TMEM163: variants seen among roughly 807,000 people sequenced by gnomAD.
TMEM163 encodes transmembrane protein 163.
TMEM163 carries 17 observed loss-of-function variants against 29.3 expected under a neutral mutation model. That is an observed-to-expected ratio of 0.58 (90% CI 0.40 to 0.87). TMEM163 has a LOEUF of 0.87. TMEM163 is among the 40% of genes least tolerant of loss of function. TMEM163 has a pLI of 0.00. For missense variants in TMEM163, 303 were observed against 381.5 expected (o/e 0.79, Z 1.71); for synonymous variants, 157 against 160.6 (o/e 0.98, Z 0.17).
intron 2 of TMEM163, among the ~76,000 whole-genome samples, chr2:134,606,849 C>G (rs1223932674): frequency 6.6e-6 from 1 of 152,146 alleles, no homozygotes; most frequent in African/African-American, 2.4e-5. Context: ...TTTCGTTTGG[C>G]GAAAAGCAGT....
In TMEM163 at chr2:134,501,418, GCCATCCATC is replaced by G. The variant is rs1346653873; in HGVS notation, c.555+1474_555+1482del. Among the ~76,000 whole-genome samples, 4 of 152,222 alleles carry G rather than the reference GCCATCCATC, an allele frequency of 2.6e-5. No homozygotes were observed. In the East Asian group the frequency reaches 5.8e-4, roughly 22 times the overall value. On this transcript the variant is annotated intron_variant, in intron 5 of 7. Coordinates refer to ENST00000281924, the MANE Select transcript of TMEM163 (RefSeq NM_030923.5). Reference sequence around the variant, plus strand: ...AGCCATTACAAGGGCCGTGAGCACAGCCATCCATCCCCTATCACATGAGCCCTGCTGGAA... The same window carrying G: ...AGCCATTACAAGGGCCGTGAGCACAGCCCTATCACATGAGCCCTGCTGGAA...
At chr2:134,552,381 T>C (rs575324293) in intron 2 of TMEM163, among the ~76,000 whole-genome samples, 44 of 152,290 alleles carry the variant, frequency 2.9e-4, no homozygotes, top group African/African-American at 1.0e-3. Context: ...TCTGATACTT[T>C]GAGAATTTAG....
intron 4 of TMEM163, among the ~76,000 whole-genome samples, chr2:134,535,543 T>G (rs1013054268): frequency 2.2e-4 from 33 of 152,080 alleles, no homozygotes; most frequent in Admixed American, 2.2e-3. Flanking sequence ...GAGTAGCAAA[T>G]GGGAATTACT....
chr2:134,606,899 C>T (rs944927347), intron 2 of TMEM163, among the ~76,000 whole-genome samples: 1 of 152,118 alleles, frequency 6.6e-6, no homozygotes, highest in African/African-American at 2.4e-5. Context: ...TCGGGTGTGG[C>T]GCAGCAATGA....
chr2:134,689,122 T>C (rs1284401769), intron 2 of TMEM163, among the ~76,000 whole-genome samples: 1 of 150,816 alleles, frequency 6.6e-6, no homozygotes, highest in Admixed American at 6.6e-5. Flanking sequence ...TTTTTTTTTT[T>C]TTTTGAGATG....
intron 4 of TMEM163, among the ~76,000 whole-genome samples, chr2:134,522,926 G>A (rs1680218318): frequency 1.3e-5 from 2 of 152,334 alleles, no homozygotes; most frequent in South Asian, 4.1e-4. Context: ...AGCAGACGTT[G>A]TGATGCCTAT....
chr2:134,703,816 C>T (rs1448478189), intron 2 of TMEM163, among the ~76,000 whole-genome samples: 2 of 145,666 alleles, frequency 1.4e-5, no homozygotes, highest in African/African-American at 5.1e-5. Flanking sequence ...TCATTCTTAA[C>T]GTTCTTATAA....
intron 3 of TMEM163, among the ~76,000 whole-genome samples, chr2:134,551,500 T>C (rs1558942512): frequency 6.6e-6 from 1 of 152,092 alleles, no homozygotes; most frequent in African/African-American, 2.4e-5. Flanking sequence ...CACACCACAC[T>C]TCTCAGCTGG....
chr2:134,461,789 C>A (rs1686543580), intron 6 of TMEM163, among the ~76,000 whole-genome samples: 1 of 152,200 alleles, frequency 6.6e-6, no homozygotes, highest in Non-Finnish European at 1.5e-5. Flanking sequence ...CAGCCTGGCT[C>A]CGGGTTGGGA....
chr2:134,596,920 C>T (rs1682098734), intron 2 of TMEM163, among the ~76,000 whole-genome samples: 1 of 152,036 alleles, frequency 6.6e-6, no homozygotes, highest in South Asian at 2.1e-4. Flanking sequence ...TGTTTGTCTG[C>T]TATTGGTGTA....
At chr2:134,688,859 A>G (rs1189290003) in intron 2 of TMEM163, among the ~76,000 whole-genome samples, 1 of 152,178 alleles carries the variant, frequency 6.6e-6, no homozygotes, top group Non-Finnish European at 1.5e-5. Context: ...CACTAGCCAC[A>G]TGTAGGTACT....
At chr2:134,601,380 C>T (rs1682227898) in intron 2 of TMEM163, among the ~76,000 whole-genome samples, 1 of 152,148 alleles carries the variant, frequency 6.6e-6, no homozygotes, top group Non-Finnish European at 1.5e-5. Flanking sequence ...ATCGTGGGAT[C>T]GGAACGACAT....
At chr2:134,543,355 C>A (rs1680717787) in intron 4 of TMEM163, among the ~76,000 whole-genome samples, 1 of 152,188 alleles carries the variant, frequency 6.6e-6, no homozygotes, top group South Asian at 2.1e-4. Context: ...CCATCGAGGG[C>A]ATCTCTGAAG....
intron 5 of TMEM163, among the ~76,000 whole-genome samples, chr2:134,487,946 C>T (rs377297243): frequency 6.6e-6 from 1 of 151,994 alleles, no homozygotes; most frequent in African/African-American, 2.4e-5. Flanking sequence ...GGGCAATAGA[C>T]CTTCTTAAAC....
chr2:134,487,181 A>C (rs1326419883), intron 5 of TMEM163, among the ~76,000 whole-genome samples: 1 of 152,218 alleles, frequency 6.6e-6, no homozygotes, highest in Non-Finnish European at 1.5e-5. Context: ...ATTTGAAAAG[A>C]GAAACAAAGT....
intron 6 of TMEM163, 141 bp from the exon 7 acceptor site, chr2:134,458,314 C>T (rs1686448454): frequency 1.0e-6 from 1 of 953,206 alleles, no homozygotes. Flanking sequence ...ATAGCCACCA[C>T]CTGGGCCCAT....
intron 2 of TMEM163, among the ~76,000 whole-genome samples, chr2:134,601,939 C>A (rs1345835952): frequency 6.6e-6 from 1 of 152,044 alleles, no homozygotes; most frequent in Admixed American, 6.5e-5. Context: ...TGAGTAGATA[C>A]CTGGGGGAAG....
chr2:134,538,627 T>C (rs1680594311), intron 4 of TMEM163, among the ~76,000 whole-genome samples: 1 of 100,986 alleles, frequency 9.9e-6, no homozygotes, highest in African/African-American at 3.1e-5. Context: ...GATGCCACAA[T>C]AGAAATGGAG....
At chr2:134,547,390 C>T (rs1680815948) in intron 4 of TMEM163, among the ~76,000 whole-genome samples, 1 of 152,130 alleles carries the variant, frequency 6.6e-6, no homozygotes, top group Admixed American at 6.5e-5. Flanking sequence ...AGTTGCTTTG[C>T]ATGACTAATT....
Sources: gnomAD v4.1 joint callset for allele counts (sites outside exome capture counted in the v4.1 genomes callset) on GRCh38, gnomAD v4.1.1 for gene constraint, MANE v1.5 for transcripts, NCBI Gene and HGNC (gene_info 2026-07-23, HGNC 2026-07-21) for gene names.